Variants in ULK4 observed in about 807,000 individuals in gnomAD.
ULK4 encodes inactive serine/threonine-protein kinase ULK4.
A neutral mutation model predicts 160.6 loss-of-function variants in ULK4; 133 were observed. That is an observed-to-expected ratio of 0.83 (90% confidence interval 0.72 to 0.96). The LOEUF is 0.96. ULK4 is among the 40% of genes least tolerant of loss of function. ULK4 has a pLI of 0.00. For missense variants in ULK4, 1,580 were observed against 1,499.5 expected (o/e 1.05, Z -0.89); for synonymous variants, 534 against 539.8 (o/e 0.99, Z 0.15).
At chr3:41,711,833 A>G (rs1394517788) in intron 25 of ULK4, among the ~76,000 whole-genome samples, 1 of 152,184 alleles carries the variant, frequency 6.6e-6, no homozygotes, top group Non-Finnish European at 1.5e-5. Flanking sequence ...TTAATTTACT[A>G]CTTCCTGTTT....
chr3:41,919,000 A>T (rs1364718971), intron 6 of ULK4, among the ~76,000 whole-genome samples: 4 of 152,208 alleles, frequency 2.6e-5, no homozygotes, highest in Admixed American at 1.3e-4. Flanking sequence ...CCTAGTATGT[A>T]CGAGGCACTG....
chr3:41,646,270 G>T (rs1331682850), intron 30 of ULK4, among the ~76,000 whole-genome samples: 1 of 152,180 alleles, frequency 6.6e-6, no homozygotes, highest in African/African-American at 2.4e-5. Context: ...GTTAGTTGAT[G>T]CAGTTTCTTC....
chr3:41,961,362 G>T (rs1020530239), intron 1 of ULK4, among the ~76,000 whole-genome samples: 4 of 152,156 alleles, frequency 2.6e-5, no homozygotes, highest in Non-Finnish European at 5.9e-5. Context: ...CGGCGGTAGG[G>T]CCTGGCCTTC....
At chr3:41,471,529 GCAACAAAATATA>G (rs1231258247) in intron 32 of ULK4, among the ~76,000 whole-genome samples, 1 of 152,064 alleles carries the variant, frequency 6.6e-6, no homozygotes, top group African/African-American at 2.4e-5. Flanking sequence ...CCACCTAACA[GCAACAAAATATA>G]CAATCTTCTC....
chr3:41,309,100 A>T (rs1362993154), intron 35 of ULK4, among the ~76,000 whole-genome samples: 1 of 152,108 alleles, frequency 6.6e-6, no homozygotes, highest in Non-Finnish European at 1.5e-5. Flanking sequence ...AAAGCTTGTA[A>T]CTGTAAAACA....
chr3:41,355,272 T>C (rs2081006673), intron 35 of ULK4, among the ~76,000 whole-genome samples: 1 of 152,166 alleles, frequency 6.6e-6, no homozygotes, highest in African/African-American at 2.4e-5. Flanking sequence ...TGGTAGCTTT[T>C]GGTCCGCCCA....
At chr3:41,489,742 C>G (rs1041943735) in intron 32 of ULK4, among the ~76,000 whole-genome samples, 17 of 152,122 alleles carry the variant, frequency 1.1e-4, no homozygotes. Flanking sequence ...CCTGTGGACT[C>G]AAATCATCCC....
intron 35 of ULK4, among the ~76,000 whole-genome samples, chr3:41,323,317 T>A (rs1262559920): frequency 1.4e-5 from 2 of 148,128 alleles, no homozygotes; most frequent in Non-Finnish European, 3.0e-5. Context: ...TTCATTAGAG[T>A]GGGGATGGGG....
intron 35 of ULK4, among the ~76,000 whole-genome samples, chr3:41,283,959 C>T (rs2079411810): frequency 6.9e-6 from 1 of 145,924 alleles, no homozygotes; most frequent in Non-Finnish European, 1.5e-5. Flanking sequence ...TTTACAATAG[C>T]TGCCAAAAAT....
At chr3:41,341,658 G>A (rs2080687887) in intron 35 of ULK4, among the ~76,000 whole-genome samples, 1 of 152,186 alleles carries the variant, frequency 6.6e-6, no homozygotes, top group Non-Finnish European at 1.5e-5. Flanking sequence ...GGGAAATGAA[G>A]AGCTCGGGGC....
rs139545367 is a variant in ULK4, at chr3:41,267,409, A to G, written c.3679-17835T>C. Among the ~76,000 whole-genome samples the G allele has an allele frequency of 2.4e-3, 361 of 152,160 alleles. 2 individuals are homozygous for G. The highest frequency in any genetic ancestry group is 7.9e-3 in the African/African-American group (328 of 41,494). ...GTACCACATTTTCTTTATCCGGTCT[A>G]TCATTGGTGGGCATTTGGGTTGGTT... On this transcript the variant is annotated intron_variant, in intron 35 of 36. Coordinates refer to ENST00000301831, the MANE Select transcript of ULK4 (RefSeq NM_017886.4).
intron 33 of ULK4, 91 bp downstream of exon 33, chr3:41,462,996 A>T: frequency 7.0e-7 from 1 of 1,429,766 alleles, no homozygotes; most frequent in Non-Finnish European, 9.5e-7. Context: ...ATAAGTAAAG[A>T]CACAATAGAG....
At chr3:41,508,772 T>C (rs2085479167) in intron 32 of ULK4, among the ~76,000 whole-genome samples, 1 of 151,976 alleles carries the variant, frequency 6.6e-6, no homozygotes, top group African/African-American at 2.4e-5. Flanking sequence ...AGGGGAAGGG[T>C]GAGAACAGCA....
At chr3:41,770,694 G>C (rs1433570365) in intron 21 of ULK4, among the ~76,000 whole-genome samples, 1 of 151,888 alleles carries the variant, frequency 6.6e-6, no homozygotes, top group Non-Finnish European at 1.5e-5. Context: ...TGTATTTTTA[G>C]TAGAGACAGG....
At chr3:41,729,521 C>G (rs1337997478) in intron 22 of ULK4, among the ~76,000 whole-genome samples, 1 of 152,204 alleles carries the variant, frequency 6.6e-6, no homozygotes, top group Non-Finnish European at 1.5e-5. Context: ...CTCCCCACCC[C>G]AAAGGCTCCA....
intron 15 of ULK4, among the ~76,000 whole-genome samples, chr3:41,896,354 A>C (rs1278732474): frequency 2.6e-5 from 4 of 152,068 alleles, no homozygotes; most frequent in Non-Finnish European, 5.9e-5. Context: ...TCCCGGGTTC[A>C]AGTGATTCTC....
At position 41,918,683 on chromosome 3, in the gene ULK4, A is replaced by C. The variant is rs529608509; in HGVS notation, c.644-143T>G. 8.3e-3 allele frequency: 3,603 copies of C among 435,566 alleles called. 163 individuals carry two copies. In the East Asian group the frequency reaches 0.099, roughly 12 times the overall value. The allele number at this position is 435,566 out of a possible 1,614,324, so 27.0% of individuals were successfully genotyped here. A position where few individuals can be genotyped will look rare whatever the true frequency, so the allele number is the denominator to read the frequency against. ...GTGGCGCAATCTCGGCTCACTGCAC[A>C]CTCCGCCTCCTGGGTTCAGGCCACT... is the stretch of plus-strand genomic sequence containing the variant. On this transcript the variant is annotated intron_variant, in intron 6 of 36. Coordinates refer to ENST00000301831, the MANE Select transcript of ULK4 (RefSeq NM_017886.4).
chr3:41,318,938 C>G (rs569238332), intron 35 of ULK4, among the ~76,000 whole-genome samples: 1 of 152,040 alleles, frequency 6.6e-6, no homozygotes, highest in East Asian at 1.9e-4. Flanking sequence ...TAATTTGGTT[C>G]TAAAAAGAAC....
chr3:41,874,237 C>A (rs554925884), intron 17 of ULK4, among the ~76,000 whole-genome samples: 46 of 152,212 alleles, frequency 3.0e-4, no homozygotes, highest in African/African-American at 1.1e-3. Context: ...TGCAATCGTG[C>A]ATCTTAATAC....
Sources: gnomAD v4.1 joint callset for allele counts (sites outside exome capture counted in the v4.1 genomes callset) on GRCh38, gnomAD v4.1.1 for gene constraint, MANE v1.5 for transcripts, NCBI Gene and HGNC (gene_info 2026-07-23, HGNC 2026-07-21) for gene names.